Variants in USP35 observed in about 807,000 individuals in gnomAD.
USP35 encodes ubiquitin specific peptidase 35.
In USP35, 69 loss-of-function variants were observed where a neutral mutation model predicts 83.8. That is an observed-to-expected ratio of 0.82 (90% CI 0.68 to 1.01). The LOEUF (loss-of-function observed/expected upper bound fraction) is 1.01, where lower values mean the gene tolerates loss of function less well. Ranked by LOEUF, USP35 falls within the 50% of genes least tolerant of loss-of-function variation. The pLI is 0.00. For synonymous variants in USP35, 714 were observed against 589.5 expected (o/e 1.21, Z -3.06); for missense variants, 1,503 against 1,362.5 (o/e 1.10, Z -1.62).
intron 10 of USP35, among the ~76,000 whole-genome samples, chr11:78,211,922 T>C (rs1318847431): frequency 1.3e-5 from 2 of 152,266 alleles, no homozygotes; most frequent in East Asian, 3.8e-4. Flanking sequence ...TTCCTTGTAC[T>C]CCGCATAAGC....
rs781087157 is a variant in USP35, at chr11:78,199,637, C to A, written c.849C>A (p.Asp283Glu). The change falls in exon 4 of 11, where the codon GAC becomes GAA. Residue 283 changes from aspartate (D) to glutamate (E), a missense_variant. By Grantham distance (45) the Asp-to-Glu change is conservative. Transcript: ENST00000529308. The part of the protein sequence containing the change: ...WVSWPLGKNI[D>E]KWIIALLKGL... ...CCTGGCCCCTGGGGAAGAATATTGA[C>A]AAGTGGATCATTGCACTGCTGAAGG... 2.5e-6 allele frequency: 4 copies of A among 1,614,160 alleles called. No homozygotes were observed. The Admixed American group carries it at 6.7e-5, about 27-fold the overall frequency.
the USP35 span, chr11:78,222,093 A>G: frequency 1.3e-6 from 2 of 1,570,118 alleles, no homozygotes; most frequent in South Asian, 2.2e-5. Context: ...ACCCCCACAC[A>G]TACGCACTTA....
intron 10 of USP35, among the ~76,000 whole-genome samples, chr11:78,212,826 G>GA (rs1423893625): frequency 2.0e-5 from 3 of 152,090 alleles, no homozygotes; most frequent in Admixed American, 2.0e-4. Context: ...GTATCATCTA[G>GA]AAAACCCCAT....
Position 78,196,333 on chromosome 11 carries a change from C to T in USP35, c.88C>T (p.Arg30Trp), listed in dbSNP as rs1186603747. 1 of 1,585,104 alleles carries T rather than the reference C, an allele frequency of 6.3e-7. No individual in the cohort carries two copies. Among genetic ancestry groups the T allele is most frequent in the Admixed American group, 1.7e-5 (1 of 59,016 alleles). Residue 30 changes from arginine (R) to tryptophan (W), a missense_variant, in exon 2 of 11, where the codon CGG becomes TGG. Transcript: ENST00000529308. This position sits in a 1 kb window ranked among gnomAD's most constrained non-coding sequence, Gnocchi z 4.8. ...GGTTCGGCGCGTGCTGGAGGCGGCG[C>T]GGCAGCCGCTGGAGCGTGAGCAGTG... ...GLVRRVLEAARQPLEREQCLA... is the reference protein window; with the variant it reads ...GLVRRVLEAAWQPLEREQCLA...
intron 10 of USP35, among the ~76,000 whole-genome samples, chr11:78,211,284 C>T (rs536118514): frequency 2.6e-5 from 4 of 152,298 alleles, no homozygotes; most frequent in Admixed American, 6.5e-5. Context: ...GACATGATCT[C>T]GTTCCTTTTT....
chr11:78,195,551 C>T (rs530571888), intron 1 of USP35, among the ~76,000 whole-genome samples: 18 of 152,244 alleles, frequency 1.2e-4, no homozygotes, highest in Non-Finnish European at 2.1e-4. Flanking sequence ...ATCTCATCTC[C>T]CCCATGGAAA....
rs994353410 is a variant in USP35, at chr11:78,213,916, A to C, written c.*103A>C. The C allele has an allele frequency of 5.3e-5, 71 of 1,334,300 alleles. No homozygotes were observed. The highest frequency in any genetic ancestry group is 2.3e-4 in the Middle Eastern group (1 of 4,422). 82.7% of individuals were successfully genotyped at this position (1,334,300 alleles called of 1,614,324 possible). ...ACCAAGAGGAAGGATGGTACAGCTC[A>C]TGGCACCTTAGTCCTCAGCCTGATG... On this transcript the variant is annotated 3_prime_UTR_variant, in exon 11 of 11. Transcript: ENST00000529308.
the USP35 span, among the ~76,000 whole-genome samples, chr11:78,227,735 A>T: frequency 1.3e-5 from 2 of 151,804 alleles, no homozygotes; most frequent in East Asian, 3.9e-4. Context: ...AGAAGTTCGA[A>T]GTTAGAGTGA....
the USP35 span, among the ~76,000 whole-genome samples, chr11:78,220,602 G>A: frequency 6.6e-6 from 1 of 152,174 alleles, no homozygotes; most frequent in Non-Finnish European, 1.5e-5. Flanking sequence ...TAATCCTCAT[G>A]ACAATCCTGT....
At chr11:78,205,741 T>TGGGGGGGGCCTGGGAGCAG in intron 6 of USP35, 101 bp from the exon 7 acceptor site, 2 of 1,348,200 alleles carry the variant, frequency 1.5e-6, no homozygotes, top group Non-Finnish European at 2.0e-6. Flanking sequence ...TGGGAGGCCT[T>TGGGGGGGGCCTGGGAGCAG]GGGGTTGGCT....
At chr11:78,222,215 T>A in the USP35 span, 4 of 1,549,804 alleles carry the variant, frequency 2.6e-6, no homozygotes, top group African/African-American at 5.4e-5. Context: ...GAAAAGAAAG[T>A]CTGGTAATCA....
Position 78,196,266 on chromosome 11 carries a change from G to A in USP35, c.21G>A (p.Ala7=). The A allele has an allele frequency of 6.3e-7, 1 of 1,595,092 alleles. No individual in the cohort carries two copies. Among genetic ancestry groups the A allele is most frequent in the East Asian group, 2.3e-5 (1 of 44,262 alleles). The part of the protein sequence containing the change: MDKILE[A]VVTSSYPVSV... ...GCGCCATGGACAAGATCTTGGAGGC[G>A]GTGGTGACGTCGTCATACCCGGTCA... is the stretch of plus-strand genomic sequence containing the variant. Residue 7 remains alanine, a synonymous_variant, in exon 2 of 11, where the codon GCG becomes GCA. Transcript: ENST00000529308. The surrounding 1 kb of genome is among the most constrained non-coding windows in gnomAD (Gnocchi z 4.8).
At chr11:78,225,348 C>T in the USP35 span, 1 of 601,996 alleles carries the variant, frequency 1.7e-6, no homozygotes, top group Non-Finnish European at 3.0e-6. Flanking sequence ...TTTCTTCGAA[C>T]ACATCACTCC....
rs139240760 is a variant in USP35, at chr11:78,205,231, C to A, written c.1198-611C>A. ...TCACCCACTGTCCTGACTGTAGGGT[C>A]AAGTTTTGGGGAGGTGACTCTCTCT... On this transcript the variant is annotated intron_variant, in intron 6 of 10. Transcript: ENST00000529308. 4.4e-3 allele frequency among the ~76,000 whole-genome samples: 674 copies of A among 152,312 alleles called. 3 individuals are homozygous for A. Among genetic ancestry groups the A allele is most frequent in the African/African-American group, 0.015 (639 of 41,550 alleles).
chr11:78,199,957 A>G (rs535636157), intron 4 of USP35, among the ~76,000 whole-genome samples, 176 bp from the exon 5 acceptor site: 2 of 152,154 alleles, frequency 1.3e-5, no homozygotes, highest in African/African-American at 2.4e-5. Flanking sequence ...TCAGATATCT[A>G]TGTTGCTGTC....
chr11:78,195,459 A>G (rs1475944134), intron 1 of USP35, among the ~76,000 whole-genome samples: 1 of 152,068 alleles, frequency 6.6e-6, no homozygotes, highest in Non-Finnish European at 1.5e-5. Context: ...AAAGAGTGCG[A>G]GGCATTCTGG....
the USP35 span, chr11:78,220,464 A>T: frequency 1.9e-6 from 3 of 1,545,796 alleles, no homozygotes; most frequent in South Asian, 2.4e-5. Context: ...GGAGGAAAAA[A>T]CTGTGAGTGA....
the USP35 span, chr11:78,221,980 A>G: frequency 2.7e-6 from 2 of 737,222 alleles, no homozygotes; most frequent in African/African-American, 1.7e-5. Flanking sequence ...ACATCGAGAC[A>G]TGATCAGCTA....
the USP35 span, chr11:78,225,297 T>C: frequency 1.3e-6 from 1 of 775,328 alleles, no homozygotes; most frequent in Non-Finnish European, 2.2e-6. Flanking sequence ...GTCTTACTGA[T>C]ACTCCAGAAG....
Sources: allele counts gnomAD v4.1 joint callset (sites outside exome capture counted in the v4.1 genomes callset), GRCh38; gene constraint gnomAD v4.1.1; non-coding constraint Gnocchi (gnomAD v3.1); transcripts MANE v1.5; gene names NCBI Gene and HGNC (gene_info 2026-07-23, HGNC 2026-07-21).